Variants in SCNN1B observed in about 807,000 individuals in gnomAD.
SCNN1B encodes epithelial sodium channel subunit beta.
Under a neutral mutation model 65.3 loss-of-function variants are expected in SCNN1B, and 46 were observed. The observed-to-expected ratio is 0.70, with a 90% CI of 0.56 to 0.90. The LOEUF (loss-of-function observed/expected upper bound fraction) is 0.90. SCNN1B is among the 40% of genes least tolerant of loss of function. The pLI is 0.00. For synonymous variants in SCNN1B, 349 were observed against 330.6 expected (o/e 1.06, Z -0.60); for missense variants, 751 against 830.5 (o/e 0.90, Z 1.18).
intron 7 of SCNN1B, among the ~76,000 whole-genome samples, chr16:23,373,674 G>A (rs555178678): frequency 6.6e-6 from 1 of 152,330 alleles, no homozygotes; most frequent in African/African-American, 2.4e-5. Context: ...CTCAGTGTCT[G>A]GGTGCCCGAG....
chr16:23,330,219 G>C (rs905398996), intron 1 of SCNN1B, among the ~76,000 whole-genome samples: 2 of 152,178 alleles, frequency 1.3e-5, no homozygotes, highest in Non-Finnish European at 2.9e-5. Context: ...TCGGCAGGTG[G>C]AGCATGGGCT....
At chr16:23,288,470 T>C (rs1340592693) in intron 2 of SCNN1B, among the ~76,000 whole-genome samples, 1 of 152,188 alleles carries the variant, frequency 6.6e-6, no homozygotes, top group Non-Finnish European at 1.5e-5. Flanking sequence ...GGCTTAGCTG[T>C]GAGCTCTGCT....
chr16:23,375,036 C>T (rs1289642660), intron 7 of SCNN1B, among the ~76,000 whole-genome samples: 4 of 152,080 alleles, frequency 2.6e-5, no homozygotes. Context: ...GGTCATGACT[C>T]GCCCTAGGAC....
At chr16:23,333,680 T>C (rs1961876104) in intron 1 of SCNN1B, among the ~76,000 whole-genome samples, 1 of 152,110 alleles carries the variant, frequency 6.6e-6, no homozygotes, top group Admixed American at 6.5e-5. Context: ...ATGATAAAAT[T>C]AAGGCTCATG....
intron 4 of SCNN1B, among the ~76,000 whole-genome samples, chr16:23,366,977 A>C (rs560171185): frequency 6.6e-6 from 1 of 152,210 alleles, no homozygotes; most frequent in Non-Finnish European, 1.5e-5. Context: ...GGCAAGGAGG[A>C]ATTCTCCCCT....
upstream of SCNN1B, among the ~76,000 whole-genome samples, chr16:23,300,377 G>A (rs537457238): frequency 3.4e-4 from 52 of 152,136 alleles, no homozygotes; most frequent in African/African-American, 1.1e-3. Context: ...AAAAGCAATG[G>A]TGGGTCAAGT....
intron 2 of SCNN1B, among the ~76,000 whole-genome samples, chr16:23,284,600 A>G (rs1191297758): frequency 6.6e-6 from 1 of 152,192 alleles, no homozygotes; most frequent in Non-Finnish European, 1.5e-5. Context: ...GCAGACAAAC[A>G]CTAAAGTCTG....
intron 1 of SCNN1B, among the ~76,000 whole-genome samples, chr16:23,281,252 G>A (rs1176053290): frequency 1.3e-5 from 2 of 152,182 alleles, no homozygotes; most frequent in African/African-American, 2.4e-5. Flanking sequence ...GGCCAACATG[G>A]TGAAACCCCA....
rs1392902977 is a variant in SCNN1B, at chr16:23,352,936, C to G, written c.447C>G (p.Pro149=). Residue 149 remains proline (P), a synonymous_variant, in exon 3 of 13, where the codon CCC becomes CCG. Coordinates refer to ENST00000343070, the MANE Select transcript of SCNN1B (RefSeq NM_000336.3). The part of the protein sequence containing the change: ...NLNFSIWNHT[P]LVLIDERNPH... ...ACTTCTCCATCTGGAACCACACACC[C>G]CTGGTCCTTATTGATGAACGGAACC... 1 of 1,614,162 alleles carries G rather than the reference C, an allele frequency of 6.2e-7. No homozygotes were observed. Among genetic ancestry groups the G allele is most frequent in the East Asian group, 2.2e-5 (1 of 44,878 alleles).
At chr16:23,330,413 G>A (rs1266979400) in intron 1 of SCNN1B, among the ~76,000 whole-genome samples, 1 of 152,192 alleles carries the variant, frequency 6.6e-6, no homozygotes, top group East Asian at 1.9e-4. Flanking sequence ...TGAGAGAGAT[G>A]AGGGCCTTGG....
At chr16:23,338,541 A>G (rs1296237055) in intron 1 of SCNN1B, among the ~76,000 whole-genome samples, 1 of 152,218 alleles carries the variant, frequency 6.6e-6, no homozygotes, top group African/African-American at 2.4e-5. Flanking sequence ...TGCTGCGAAA[A>G]TAAGTACAGG....
rs1271422169 is a variant in SCNN1B, at chr16:23,343,627, G to A, written c.-8-4965G>A. ...AGAAAGAAAGAAAGAAAGAAAGAAA[G>A]AAAGAAAGAAAGAAAGAAAGAAAAA... On this transcript the variant is annotated intron_variant, in intron 1 of 12. Transcript: ENST00000343070. 5.3e-4 allele frequency among the ~76,000 whole-genome samples: 57 copies of A among 108,528 alleles called. 1 individual carries two copies. The highest frequency in any genetic ancestry group is 1.0e-3 in the African/African-American group (27 of 26,760). 71.2% of individuals were successfully genotyped at this position (108,528 alleles called of 152,430 possible).
At chr16:23,324,972 T>C (rs1039427271) in intron 1 of SCNN1B, among the ~76,000 whole-genome samples, 4 of 152,236 alleles carry the variant, frequency 2.6e-5, no homozygotes, top group Non-Finnish European at 4.4e-5. Context: ...GGTGTTTTCC[T>C]GTGTAATTGT....
chr16:23,358,219 CG>C (rs1567310205), intron 4 of SCNN1B: 1 of 152,186 alleles, frequency 6.6e-6, no homozygotes, highest in African/African-American at 2.4e-5. Context: ...GGGTGAGGGA[CG>C]GGTGGTCCCC....
At chr16:23,307,044 T>G (rs368298892) in intron 1 of SCNN1B, among the ~76,000 whole-genome samples, 1 of 152,170 alleles carries the variant, frequency 6.6e-6, no homozygotes, top group Non-Finnish European at 1.5e-5. Flanking sequence ...AGTAAACCAC[T>G]TGCCCAAAAT....
intron 4 of SCNN1B, among the ~76,000 whole-genome samples, chr16:23,364,479 A>C (rs1962609627): frequency 6.6e-6 from 1 of 152,100 alleles, no homozygotes. Context: ...GGGACTTTGC[A>C]CTTTATTCTG....
At chr16:23,334,111 C>T (rs1176214289) in intron 1 of SCNN1B, among the ~76,000 whole-genome samples, 3 of 152,270 alleles carry the variant, frequency 2.0e-5, no homozygotes, top group East Asian at 3.9e-4. Flanking sequence ...GGAATGAAAC[C>T]GTGGGACAGC....
At chr16:23,300,698 G>A (rs868605716), upstream of SCNN1B, among the ~76,000 whole-genome samples, 14 of 151,998 alleles carry the variant, frequency 9.2e-5, no homozygotes, top group African/African-American at 2.9e-4. Context: ...TTAATTAGCC[G>A]GAAGCAGTGG....
chr16:23,346,200 C>CTTTTTTTTTTTTTTTTTTTTTTTTT lies in SCNN1B; in HGVS notation c.-8-2387_-8-2363dup, dbSNP rs753802362. On this transcript the variant is annotated intron_variant, in intron 1 of 12. Coordinates refer to ENST00000343070, the MANE Select transcript of SCNN1B (RefSeq NM_000336.3). ...CCATGGAACACCCTTTTTTCCTTTTCTTTTTTTTTTTTTTTTTTTTTTTTT... is the reference window on the plus strand; with the variant it reads ...CCATGGAACACCCTTTTTTCCTTTTCTTTTTTTTTTTTTTTTTTTTTTTTTTTTTTTTTTTTTTTTTTTTTTTTTT... Among the ~76,000 whole-genome samples, 35 of 78,010 alleles carry CTTTTTTTTTTTTTTTTTTTTTTTTT rather than the reference C, an allele frequency of 4.5e-4. 4 individuals carry two copies. The highest frequency in any genetic ancestry group is 7.0e-4 in the East Asian group (2 of 2,872). 51.2% of individuals were successfully genotyped at this position (78,010 alleles called of 152,430 possible).
Sources: gnomAD v4.1 joint callset for allele counts (sites outside exome capture counted in the v4.1 genomes callset) on GRCh38, gnomAD v4.1.1 for gene constraint, MANE v1.5 for transcripts, NCBI Gene and HGNC (gene_info 2026-07-23, HGNC 2026-07-21) for gene names.